Variants in ATP7B observed in about 807,000 individuals in gnomAD.
ATP7B encodes the protein copper-transporting ATPase 2.
ATP7B carries 113 observed loss-of-function variants against 118.9 expected under a neutral mutation model. The ratio of observed to expected loss-of-function variants is 0.95; its 90% confidence interval spans 0.82 to 1.11. The LOEUF (loss-of-function observed/expected upper bound fraction) is 1.11. Ranked by LOEUF, ATP7B falls within the 50% of genes most tolerant of loss-of-function variation. The pLI, the probability that ATP7B is intolerant of heterozygous loss-of-function variation, is 0.00. For synonymous variants in ATP7B, 777 were observed against 727.4 expected (o/e 1.07, Z -1.10); for missense variants, 1,867 against 1,871.4 (o/e 1.00, Z 0.04).
chr13:51,957,756 T>C, intron 8 of ATP7B, 149 bp from the exon 9 acceptor site: 1 of 722,390 alleles, frequency 1.4e-6, no homozygotes, highest in African/African-American at 1.7e-5. Flanking sequence ...TGGGCGTTAC[T>C]TGCTATCCAC....
Position 51,958,827 on chromosome 13 carries a change from CG to C in ATP7B, c.2122-284del, listed in dbSNP as rs150368560. 2.2e-3 allele frequency: 1,033 copies of C among 480,200 alleles called. 6 individuals carry two copies. The highest frequency in any genetic ancestry group is 0.019 in the African/African-American group (956 of 51,140). The allele number at this position is 480,200 out of a possible 1,614,324, so 29.7% of individuals were successfully genotyped here. The stretch of plus-strand genomic sequence containing the variant: ...GGTGAAAAGTTGGGGAAAAAAATCA[CG>C]ACTCATTTGTACTGTAGACAGCACA... On this transcript the variant is annotated intron_variant, in intron 7 of 20. Coordinates refer to ENST00000242839, the MANE Select transcript of ATP7B (RefSeq NM_000053.4).
Position 51,934,576 on chromosome 13 carries a change from G to C in ATP7B, c.*180C>G, listed in dbSNP as rs974218758. On this transcript the variant is annotated 3_prime_UTR_variant, in exon 21 of 21. Transcript: ENST00000242839. ...GAGGCAGGCAGGGCCGTCCTCTCCA[G>C]GCCAAGCCCAGCTGCACCCAGACAA... 9.0e-5 allele frequency: 94 copies of C among 1,040,030 alleles called. No homozygotes were observed. In the African/African-American group the frequency reaches 1.4e-3, roughly 15 times the overall value. 64.4% of individuals were successfully genotyped at this position (1,040,030 alleles called of 1,614,324 possible). A position where few individuals can be genotyped will look rare whatever the true frequency, so the allele number is the denominator to read the frequency against.
chr13:51,978,563 A>C (rs1215576736), intron 1 of ATP7B, among the ~76,000 whole-genome samples: 1 of 152,224 alleles, frequency 6.6e-6, no homozygotes, highest in African/African-American at 2.4e-5. Context: ...TGCCATGGAG[A>C]TATTAAATGC....
At chr13:51,973,714 A>G (rs745716670) in intron 2 of ATP7B, among the ~76,000 whole-genome samples, 3 of 152,264 alleles carry the variant, frequency 2.0e-5, no homozygotes, top group Non-Finnish European at 4.4e-5. Context: ...AAAACAGACT[A>G]ATACAAAATC....
intron 1 of ATP7B, among the ~76,000 whole-genome samples, chr13:51,978,293 C>G (rs151105024): frequency 6.0e-4 from 91 of 152,180 alleles, no homozygotes; most frequent in African/African-American, 2.0e-3. Context: ...AAAAGGCCAA[C>G]AATCCAAACA....
At chr13:51,987,638 C>T (rs1038500201) in intron 1 of ATP7B, among the ~76,000 whole-genome samples, 9 of 152,184 alleles carry the variant, frequency 5.9e-5, no homozygotes, top group African/African-American at 2.2e-4. Flanking sequence ...AAGCCGGAGG[C>T]ATCACACTAC....
At chr13:51,975,860 G>A (rs1367921028) in intron 1 of ATP7B, among the ~76,000 whole-genome samples, 1 of 152,332 alleles carries the variant, frequency 6.6e-6, no homozygotes, top group East Asian at 1.9e-4. Flanking sequence ...AGGGGCGGGA[G>A]GGGAAAGGCT....
chr13:52,005,013 C>T (rs1053902221), intron 1 of ATP7B, among the ~76,000 whole-genome samples: 20 of 152,190 alleles, frequency 1.3e-4, no homozygotes, highest in African/African-American at 4.6e-4. Context: ...CAAGGAGCAC[C>T]GCAGAATGCA....
chr13:51,950,176 G>C lies in ATP7B; in HGVS notation c.2576-15C>G, dbSNP rs778745323. The C allele has an allele frequency of 3.7e-6, 6 of 1,614,174 alleles. No homozygotes were observed. The Admixed American group carries it at 8.3e-5, about 22-fold the overall frequency. On this transcript the variant is annotated splice_polypyrimidine_tract_variant and intron_variant, in intron 10 of 20. Coordinates refer to ENST00000242839, the MANE Select transcript of ATP7B (RefSeq NM_000053.4). ...CATGGCTTCTCCTAGACGTAGGAAA[G>C]AGACAACTGTCACTTGCTCAGCCCC...
chr13:51,970,143 G>T lies in ATP7B; in HGVS notation c.1543+349C>A, dbSNP rs115917411. On this transcript the variant is annotated intron_variant, in intron 3 of 20. Coordinates refer to ENST00000242839, the MANE Select transcript of ATP7B (RefSeq NM_000053.4). Reference sequence around the variant, plus strand: ...ATTGGAACTTCTATACAAAATGCAGGTTATTTATTCATTTTATAGTAAGGG... The same window carrying T: ...ATTGGAACTTCTATACAAAATGCAGTTTATTTATTCATTTTATAGTAAGGG... 8.9e-3 allele frequency among the ~76,000 whole-genome samples: 1,349 copies of T among 152,246 alleles called. 24 individuals carry two copies. Among genetic ancestry groups the T allele is most frequent in the African/African-American group, 0.031 (1,282 of 41,538 alleles).
chr13:51,975,173 A>G lies in ATP7B; in HGVS notation c.52-5T>C, dbSNP rs762228338. Reference sequence around the variant, plus strand: ...CAAAGAAAGCTTAGATAAGATCTAAAAAGAAAAGAAATAACATTTTTTAAC... The same window carrying G: ...CAAAGAAAGCTTAGATAAGATCTAAGAAGAAAAGAAATAACATTTTTTAAC... On this transcript the variant is annotated splice_polypyrimidine_tract_variant and splice_region_variant and intron_variant, in intron 1 of 20. Transcript: ENST00000242839. 21 of 1,613,986 alleles carry G rather than the reference A, an allele frequency of 1.3e-5. No homozygotes were observed. Among genetic ancestry groups the G allele is most frequent in the Non-Finnish European group, 1.8e-5 (21 of 1,179,914 alleles).
chr13:51,990,285 T>G (rs924347210), intron 1 of ATP7B, among the ~76,000 whole-genome samples: 1 of 152,148 alleles, frequency 6.6e-6, no homozygotes, highest in South Asian at 2.1e-4. Flanking sequence ...TCTGGGAATT[T>G]TACCATATAG....
At position 51,973,986 on chromosome 13, in the gene ATP7B, C is replaced by G. The variant is rs769190850; in HGVS notation, c.1234G>C (p.Glu412Gln). 1.4e-5 allele frequency: 22 copies of G among 1,614,140 alleles called. 1 individual carries two copies. In the South Asian group the frequency reaches 2.4e-4, roughly 18 times the overall value. Residue 412 changes from glutamate (E) to glutamine (Q), a missense_variant, in exon 2 of 21, where the codon GAA (glutamate) becomes CAA (glutamine). By Grantham distance (29) the Glu-to-Gln change is conservative. Coordinates refer to ENST00000242839, the MANE Select transcript of ATP7B (RefSeq NM_000053.4). ...ATGTCTTCTATAGCAGCTCTGAGTT[C>G]TTCTGGGCTAATTACAGAGGGATTA... ...LYNPSVISPE[E>Q]LRAAIEDMGF...
chr13:51,974,595 C>T lies in ATP7B; in HGVS notation c.625G>A (p.Ala209Thr), dbSNP rs926196952. Residue 209 changes from alanine to threonine, a missense_variant, in exon 2 of 21, where the codon GCC (alanine) becomes ACC (threonine). Ala to Thr is a moderately conservative substitution (Grantham distance 58, BLOSUM62 0). Transcript: ENST00000242839. ...AAGGGAGCCACTTTGCTCTTGATGG[C>T]AGCTTCAAATCCCATGTCATTTACA... ...DHVNDMGFEA[A>T]IKSKVAPLSL... 2 of 1,613,814 alleles carry T rather than the reference C, an allele frequency of 1.2e-6. No homozygotes were observed. Among genetic ancestry groups the T allele is most frequent in the Non-Finnish European group, 1.7e-6 (2 of 1,179,924 alleles).
In ATP7B at chr13:51,946,470, G is replaced by A; in HGVS notation, c.2874C>T (p.Asn958=). Residue 958 remains asparagine, a synonymous_variant, in exon 13 of 21, where the codon AAC becomes AAT. Transcript: ENST00000242839. ...TCACCTCTGTCTGGGAGATGTGCTT[G>A]TTGGGGTTCTGAAAACAGGACAGAG... is the stretch of plus-strand genomic sequence containing the variant. ...GVVQRYFPNP[N]KHISQTEVII... 6.2e-7 allele frequency: 1 copy of A among 1,614,218 alleles called. No individual in the cohort carries two copies. The highest frequency in any genetic ancestry group is 1.3e-5 in the African/African-American group (1 of 75,074).
At chr13:51,956,616 C>T (rs1958365916) in intron 9 of ATP7B, among the ~76,000 whole-genome samples, 2 of 152,128 alleles carry the variant, frequency 1.3e-5, no homozygotes, top group African/African-American at 4.8e-5. Context: ...GGACAGGGAA[C>T]TGGAGGGTTT....
intron 10 of ATP7B, 24 bp from the exon 11 acceptor site, chr13:51,950,185 G>C (rs1402057205): frequency 1.2e-6 from 2 of 1,614,134 alleles, no homozygotes; most frequent in East Asian, 4.5e-5. Flanking sequence ...AGAGACAACT[G>C]TCACTTGCTC....
intron 1 of ATP7B, among the ~76,000 whole-genome samples, chr13:52,009,718 C>CT (rs565456410): frequency 5.3e-5 from 8 of 151,364 alleles, no homozygotes; most frequent in Non-Finnish European, 8.8e-5. Context: ...TTGTTTATCC[C>CT]TTTTTTTTTC....
chr13:51,960,166 G>C lies in ATP7B; in HGVS notation c.2103C>G (p.Ile701Met). 1 of 1,613,946 alleles carries C rather than the reference G, an allele frequency of 6.2e-7. No homozygotes were observed. Among genetic ancestry groups the C allele is most frequent in the Non-Finnish European group, 8.5e-7 (1 of 1,179,818 alleles). The change falls in exon 7 of 21, where the codon ATC becomes ATG. Residue 701 changes from isoleucine to methionine, a missense_variant. By Grantham distance (10) the Ile-to-Met change is conservative. Coordinates refer to ENST00000242839, the MANE Select transcript of ATP7B (RefSeq NM_000053.4). ...TATATACCTGGACAAAGGTACACAA[G>C]ATAAAGAAGATGAGATTTAGAATGG... ...GLSILNLIFF[I>M]LCTFVQLLGG...
Sources: allele counts gnomAD v4.1 joint callset (sites outside exome capture counted in the v4.1 genomes callset), GRCh38; gene constraint gnomAD v4.1.1; transcripts MANE v1.5; gene names NCBI Gene and HGNC (gene_info 2026-07-23, HGNC 2026-07-21).